CAPZB: variants seen among roughly 807,000 people sequenced by gnomAD.
The protein encoded by CAPZB is F-actin-capping protein subunit beta.
CAPZB carries 2 observed loss-of-function variants against 38.1 expected under a neutral mutation model. The ratio of observed to expected loss-of-function variants is 0.05; its 90% CI spans 0.02 to 0.17. The LOEUF (loss-of-function observed/expected upper bound fraction) is 0.17. Among genes scored for constraint, CAPZB ranks in the 10% least tolerant of loss-of-function variants. The pLI is 1.00. For synonymous variants in CAPZB, 107 were observed against 127.4 expected, an observed-to-expected ratio of 0.84 and a Z score of 1.08; for missense variants, 161 against 334.2, an observed-to-expected ratio of 0.48 and a Z score of 4.04.
chr1:19,350,907 C>T (rs1232283572), intron 6 of CAPZB, among the ~76,000 whole-genome samples: 3 of 151,990 alleles, frequency 2.0e-5, no homozygotes, highest in Non-Finnish European at 1.5e-5. Flanking sequence ...TGAGCCATCG[C>T]GCCTGGCAAA....
chr1:19,470,632 T>C (rs1179165391), intron 1 of CAPZB, among the ~76,000 whole-genome samples: 1 of 152,246 alleles, frequency 6.6e-6, no homozygotes, highest in Admixed American at 6.5e-5. Context: ...AGTGGTTTAC[T>C]GTGGGACCTT....
chr1:19,431,321 G>T (rs898339386), intron 1 of CAPZB, among the ~76,000 whole-genome samples: 2 of 152,192 alleles, frequency 1.3e-5, no homozygotes, highest in Non-Finnish European at 2.9e-5. Context: ...AGAATCCAAA[G>T]AAGTCTCAAA....
intron 1 of CAPZB, among the ~76,000 whole-genome samples, chr1:19,476,717 G>C (rs1305694037): frequency 1.3e-5 from 2 of 152,202 alleles, no homozygotes; most frequent in Non-Finnish European, 2.9e-5. Flanking sequence ...CCTTTCAGCT[G>C]AGTGGCTATC....
intron 2 of CAPZB, among the ~76,000 whole-genome samples, chr1:19,411,907 CG>C (rs2094358444): frequency 6.6e-6 from 1 of 152,052 alleles, no homozygotes; most frequent in Admixed American, 6.6e-5. Context: ...GATAACAGGC[CG>C]GGGTCATGAA....
chr1:19,390,232 C>T (rs1010392183), intron 2 of CAPZB, among the ~76,000 whole-genome samples: 1 of 152,212 alleles, frequency 6.6e-6, no homozygotes. Flanking sequence ...TGTCACAGAC[C>T]ATGGGTTTGT....
intron 2 of CAPZB, among the ~76,000 whole-genome samples, chr1:19,403,819 T>C (rs969719053): frequency 6.6e-6 from 1 of 152,200 alleles, no homozygotes; most frequent in Non-Finnish European, 1.5e-5. Context: ...GTGACCCCGC[T>C]TTGGGCAGGT....
At chr1:19,389,985 G>C (rs956200570) in intron 2 of CAPZB, among the ~76,000 whole-genome samples, 1 of 152,186 alleles carries the variant, frequency 6.6e-6, no homozygotes, top group Non-Finnish European at 1.5e-5. Context: ...CACCTACAGA[G>C]GCCAAGACAG....
chr1:19,448,102 T>C (rs892564148), intron 1 of CAPZB, among the ~76,000 whole-genome samples: 1 of 152,162 alleles, frequency 6.6e-6, no homozygotes, highest in Non-Finnish European at 1.5e-5. Context: ...GAAAATTAAG[T>C]AGTAGCCAGT....
chr1:19,466,794 C>T (rs924319455), intron 1 of CAPZB, among the ~76,000 whole-genome samples: 10 of 152,154 alleles, frequency 6.6e-5, no homozygotes, highest in African/African-American at 2.4e-4. Context: ...TTAATAATTA[C>T]CTATATTTAA....
At chr1:19,476,207 GATA>G (rs2094606173) in intron 1 of CAPZB, among the ~76,000 whole-genome samples, 2 of 133,690 alleles carry the variant, frequency 1.5e-5, no homozygotes, top group South Asian at 2.4e-4. Context: ...TAGATAGATA[GATA>G]GATAGATAGA....
chr1:19,468,911 A>G (rs1233009659), intron 1 of CAPZB, among the ~76,000 whole-genome samples: 2 of 152,164 alleles, frequency 1.3e-5, no homozygotes, highest in Non-Finnish European at 2.9e-5. Context: ...TCTCTCAGCG[A>G]GACGCCTCCT....
intron 7 of CAPZB, among the ~76,000 whole-genome samples, chr1:19,344,667 T>C (rs1198155270): frequency 2.0e-5 from 3 of 152,360 alleles, no homozygotes; most frequent in African/African-American, 4.8e-5. Flanking sequence ...TACCCAGGGA[T>C]TGGCGGCCAG....
intron 6 of CAPZB, among the ~76,000 whole-genome samples, chr1:19,354,372 CCT>C (rs1277083846): frequency 5.9e-5 from 9 of 152,312 alleles, no homozygotes; most frequent in Non-Finnish European, 1.0e-4. Flanking sequence ...CCTCACTTCC[CCT>C]GTTTGCTCAG....
At chr1:19,485,349 C>A in intron 1 of CAPZB, 87 bp downstream of exon 1, 1 of 992,786 alleles carries the variant, frequency 1.0e-6, no homozygotes. Flanking sequence ...GGGAAGCCAC[C>A]CGTCCCAGGC....
chr1:19,385,870 A>G (rs2094201361), intron 2 of CAPZB: 1 of 615,088 alleles, frequency 1.6e-6, no homozygotes, highest in Non-Finnish European at 3.1e-6. Flanking sequence ...TTCCTTCCAA[A>G]AACTGTGTGC....
At chr1:19,380,029 T>C (rs913935363) in intron 3 of CAPZB, among the ~76,000 whole-genome samples, 6 of 152,196 alleles carry the variant, frequency 3.9e-5, no homozygotes, top group African/African-American at 1.4e-4. Context: ...ATGCTCATCA[T>C]CTTCCAAACC....
intron 4 of CAPZB, among the ~76,000 whole-genome samples, chr1:19,376,580 T>TGG (rs1188374756): frequency 6.6e-6 from 1 of 152,212 alleles, no homozygotes; most frequent in Non-Finnish European, 1.5e-5. Flanking sequence ...CCCCCCTGCC[T>TGG]GGCTGGCTTC....
intron 1 of CAPZB, among the ~76,000 whole-genome samples, chr1:19,460,109 G>A (rs1194447590): frequency 6.6e-6 from 1 of 152,186 alleles, no homozygotes; most frequent in Non-Finnish European, 1.5e-5. Flanking sequence ...AAGATCTACA[G>A]TAAGAACAAA....
At chr1:19,342,274 G>A (rs2093933381) in intron 8 of CAPZB, among the ~76,000 whole-genome samples, 1 of 152,226 alleles carries the variant, frequency 6.6e-6, no homozygotes, top group African/African-American at 2.4e-5. Flanking sequence ...CAGAGAGTGA[G>A]GTCACCCCTT....
Sources: allele counts gnomAD v4.1 joint callset (sites outside exome capture counted in the v4.1 genomes callset), GRCh38; gene constraint gnomAD v4.1.1; transcripts MANE v1.5; gene names NCBI Gene and HGNC (gene_info 2026-07-23, HGNC 2026-07-21).